Variants in SYNPR observed in about 807,000 individuals in gnomAD.
SYNPR encodes the protein synaptoporin.
A neutral mutation model predicts 32.9 loss-of-function variants in SYNPR; 23 were observed. The ratio of observed to expected loss-of-function variants is 0.70; its 90% CI spans 0.50 to 0.99. The LOEUF is 0.99. Among genes scored for constraint, SYNPR ranks in the 50% least tolerant of loss-of-function variants. The pLI is 0.00. For synonymous variants in SYNPR, 146 were observed against 135.9 expected (o/e 1.07, Z -0.52); for missense variants, 318 against 349.3 (o/e 0.91, Z 0.71).
intron 3 of SYNPR, among the ~76,000 whole-genome samples, chr3:63,544,923 C>T (rs1321317564): frequency 6.6e-6 from 1 of 151,664 alleles, no homozygotes; most frequent in African/African-American, 2.4e-5. Context: ...TTATTTCTTC[C>T]ATTTTGCAGA....
chr3:63,410,076 ATTGT>A lies in SYNPR; in HGVS notation c.85-70750_85-70747del, dbSNP rs373472680. Among the ~76,000 whole-genome samples, 593 of 152,246 alleles carry A rather than the reference ATTGT, an allele frequency of 3.9e-3. 4 individuals are homozygous for A. Among genetic ancestry groups the A allele is most frequent in the Middle Eastern group, 0.014 (4 of 294 alleles). On this transcript the variant is annotated intron_variant, in intron 2 of 5. Coordinates refer to ENST00000478300, the MANE Select transcript of SYNPR (RefSeq NM_001130003.2). ...GTTGTCTCAAGCCACTGACTTACAC[ATTGT>A]TTGTTAACACAGCTTCACCTTGCTC...
chr3:63,615,291 G>A lies in SYNPR; in HGVS notation c.668G>A (p.Trp223Ter). 1 of 1,613,794 alleles carries A rather than the reference G, an allele frequency of 6.2e-7. No individual in the cohort carries two copies. The highest frequency in any genetic ancestry group is 8.5e-7 in the Non-Finnish European group (1 of 1,179,824). Reference sequence around the variant, plus strand: ...TGGTTTGTTTTCAAGGAGACCGGCTGGCATTCTTCGGGACAGAGATATCTT... The same window carrying A: ...TGGTTTGTTTTCAAGGAGACCGGCTAGCATTCTTCGGGACAGAGATATCTT... ...NIWFVFKETGWHSSGQRYLSD... is the reference protein window; with the variant it reads ...NIWFVFKETG Residue 223 changes from tryptophan (W) to a stop codon, truncating the protein, a stop_gained, in exon 6 of 6, where the codon TGG becomes TAG. Transcript: ENST00000478300. LOFTEE classifies it high-confidence loss of function.
chr3:63,239,402 A>G (rs1332355608), intron 1 of SYNPR, among the ~76,000 whole-genome samples: 1 of 150,764 alleles, frequency 6.6e-6, no homozygotes, highest in African/African-American at 2.4e-5. Flanking sequence ...CCACCCTACC[A>G]TTGTCACCAA....
chr3:63,505,499 G>A (rs1367547370), intron 3 of SYNPR, among the ~76,000 whole-genome samples: 1 of 152,182 alleles, frequency 6.6e-6, no homozygotes, highest in Non-Finnish European at 1.5e-5. Context: ...TCCCATCAAA[G>A]AAGGAATGCT....
intron 3 of SYNPR, among the ~76,000 whole-genome samples, chr3:63,510,628 T>C (rs1000991817): frequency 6.6e-6 from 1 of 152,192 alleles, no homozygotes; most frequent in Non-Finnish European, 1.5e-5. Context: ...CCCGGAGATT[T>C]GAATAATTAT....
chr3:63,222,158 A>G, the SYNPR span, among the ~76,000 whole-genome samples: 1 of 151,732 alleles, frequency 6.6e-6, no homozygotes, highest in East Asian at 1.9e-4. Flanking sequence ...ATAGAATAGA[A>G]TTGAGCAACT....
At chr3:63,399,517 C>A (rs1037645344) in intron 2 of SYNPR, among the ~76,000 whole-genome samples, 5 of 152,204 alleles carry the variant, frequency 3.3e-5, no homozygotes, top group South Asian at 2.1e-4. Context: ...ATAGATGGCA[C>A]CTTCTTGCTA....
chr3:63,595,921 TTA>T (rs1165512374), intron 4 of SYNPR, among the ~76,000 whole-genome samples: 35 of 89,478 alleles, frequency 3.9e-4, no homozygotes, highest in South Asian at 7.5e-4. Context: ...ATATATAGTT[TTA>T]TATATATATA....
At chr3:63,211,250 T>G in the SYNPR span, among the ~76,000 whole-genome samples, 5 of 152,162 alleles carry the variant, frequency 3.3e-5, no homozygotes, top group African/African-American at 1.2e-4. Flanking sequence ...ATATTTTTAG[T>G]AGAGATGGGT....
chr3:63,297,973 C>T (rs1575590163), intron 2 of SYNPR, among the ~76,000 whole-genome samples: 1 of 152,076 alleles, frequency 6.6e-6, no homozygotes, highest in East Asian at 1.9e-4. Context: ...AAGTTACAGA[C>T]CTTGCGACCT....
chr3:63,206,999 T>C, the SYNPR span, among the ~76,000 whole-genome samples: 1 of 152,204 alleles, frequency 6.6e-6, no homozygotes, highest in Non-Finnish European at 1.5e-5. Flanking sequence ...TTGACGTGCA[T>C]GCATAAAGAG....
chr3:63,428,821 C>A (rs192522275), intron 2 of SYNPR, among the ~76,000 whole-genome samples: 34 of 152,310 alleles, frequency 2.2e-4, no homozygotes, highest in Admixed American at 1.8e-3. Context: ...TGCAAGGCAG[C>A]TTAAGACCTA....
intron 2 of SYNPR, among the ~76,000 whole-genome samples, chr3:63,396,675 T>C (rs991790383): frequency 6.6e-6 from 1 of 152,192 alleles, no homozygotes; most frequent in Admixed American, 6.5e-5. Context: ...AAATCTGACA[T>C]AGATGCAAAC....
chr3:63,265,552 A>G (rs1287066305), intron 2 of SYNPR, among the ~76,000 whole-genome samples: 2 of 152,250 alleles, frequency 1.3e-5, no homozygotes, highest in African/African-American at 4.8e-5. Context: ...GCGCCCAGTC[A>G]ATGGCATTCT....
At chr3:63,512,994 A>G (rs1253744148) in intron 3 of SYNPR, among the ~76,000 whole-genome samples, 1 of 152,166 alleles carries the variant, frequency 6.6e-6, no homozygotes, top group Non-Finnish European at 1.5e-5. Flanking sequence ...AGGATACCAC[A>G]AATGTCTAGA....
At chr3:63,202,984 ATG>A in the SYNPR span, among the ~76,000 whole-genome samples, 1 of 150,526 alleles carries the variant, frequency 6.6e-6, no homozygotes, top group African/African-American at 2.5e-5. Flanking sequence ...GGAAAGAAAA[ATG>A]TGATCTAATT....
chr3:63,399,441 T>C (rs926653839), intron 2 of SYNPR, among the ~76,000 whole-genome samples: 5 of 152,158 alleles, frequency 3.3e-5, no homozygotes, highest in African/African-American at 9.7e-5. Context: ...GTTATTTCTA[T>C]AGGCGGTCTG....
At chr3:63,289,740 A>T (rs2086720210) in intron 2 of SYNPR, among the ~76,000 whole-genome samples, 1 of 152,204 alleles carries the variant, frequency 6.6e-6, no homozygotes, top group Non-Finnish European at 1.5e-5. Context: ...AAGTAAACAC[A>T]ATAATGTTTA....
At chr3:63,605,942 G>A (rs1433586653) in intron 4 of SYNPR, among the ~76,000 whole-genome samples, 4 of 152,174 alleles carry the variant, frequency 2.6e-5, no homozygotes, top group Admixed American at 6.5e-5. Context: ...TTGTATTATT[G>A]TTGTTGCTGT....
Sources: gnomAD v4.1 joint callset for allele counts (sites outside exome capture counted in the v4.1 genomes callset) on GRCh38, gnomAD v4.1.1 for gene constraint, MANE v1.5 for transcripts, NCBI Gene and HGNC (gene_info 2026-07-23, HGNC 2026-07-21) for gene names.